The following ZBTB49 variants were observed in gnomAD, a reference collection of about 807,000 sequenced individuals.
The protein encoded by ZBTB49 is zinc finger and BTB domain-containing protein 49.
ZBTB49 carries 43 observed loss-of-function variants against 57.5 expected under a neutral mutation model. That is an observed-to-expected ratio of 0.75 (90% CI 0.59 to 0.97). The LOEUF is 0.97. Among genes scored for constraint, ZBTB49 ranks in the 50% least tolerant of loss-of-function variants. ZBTB49 has a pLI of 0.00. For missense variants in ZBTB49, 938 were observed against 947.7 expected (o/e 0.99, Z 0.13); for synonymous variants, 369 against 362.1 (o/e 1.02, Z -0.22).
At chr4:4,295,481 A>G (rs1720151289) in intron 1 of ZBTB49, among the ~76,000 whole-genome samples, 1 of 152,230 alleles carries the variant, frequency 6.6e-6, no homozygotes, top group Non-Finnish European at 1.5e-5. Context: ...AAGCCATATC[A>G]GATATGATAT....
chr4:4,303,760 C>CTCTCTG (rs1223289249), intron 3 of ZBTB49, among the ~76,000 whole-genome samples: 8 of 121,324 alleles, frequency 6.6e-5, no homozygotes, highest in African/African-American at 2.7e-4. Context: ...CTCTCTCTCT[C>CTCTCTG]TGTGTGTGTG....
chr4:4,299,806 TGTGTGAGA>T (rs2108874312), intron 1 of ZBTB49, 113 bp from the exon 2 acceptor site: 2 of 736,620 alleles, frequency 2.7e-6, no homozygotes, highest in East Asian at 5.8e-5. Context: ...TGTGTGTGTG[TGTGTGAGA>T]GAGAAACTGT....
chr4:4,308,173 G>T (rs1221409764), intron 4 of ZBTB49, among the ~76,000 whole-genome samples: 1 of 152,156 alleles, frequency 6.6e-6, no homozygotes, highest in Non-Finnish European at 1.5e-5. Flanking sequence ...TGCCTCCCAG[G>T]TTCAAACGAT....
intron 3 of ZBTB49, among the ~76,000 whole-genome samples, chr4:4,303,556 A>C (rs1415701172): frequency 6.6e-6 from 1 of 152,164 alleles, no homozygotes; most frequent in Non-Finnish European, 1.5e-5. Context: ...TGAGTGTCTA[A>C]TTTTTAAAAT....
At position 4,302,311 on chromosome 4, in the gene ZBTB49, G is replaced by T; in HGVS notation, c.475G>T (p.Glu159Ter). The T allele has an allele frequency of 6.2e-7, 1 of 1,614,132 alleles. No individual in the cohort carries two copies. Among genetic ancestry groups the T allele is most frequent in the Non-Finnish European group, 8.5e-7 (1 of 1,180,014 alleles). ...AAACTACCCCCCTCATTTACTGCAG[G>T]AATGTTCAGCAGATGCACAGCAGAA... ...SENYPPHLLQ[E>*]CSADAQQNKT... The change falls in exon 3 of 8, where the codon GAA becomes TAA. Residue 159 changes from glutamate to a stop codon, truncating the protein, a stop_gained. Coordinates refer to ENST00000337872, the MANE Select transcript of ZBTB49 (RefSeq NM_145291.4). LOFTEE classifies it high-confidence loss of function.
intron 3 of ZBTB49, among the ~76,000 whole-genome samples, chr4:4,304,152 A>G (rs1218899278): frequency 1.3e-5 from 2 of 152,080 alleles, no homozygotes; most frequent in Non-Finnish European, 2.9e-5. Context: ...AATATCACAG[A>G]CTTAGTTTTG....
rs908311264 is a variant in ZBTB49 at position 4,295,803 on chromosome 4, G to C, written c.-19-4124G>C. On this transcript the variant is annotated intron_variant, in intron 1 of 7. Transcript: ENST00000337872. ...CCAATACCCCAAACCCTACACGTTAGAAACAAAGCTTTCCATAAAGAGATG... is the reference window on the plus strand; with the variant it reads ...CCAATACCCCAAACCCTACACGTTACAAACAAAGCTTTCCATAAAGAGATG... Among the ~76,000 whole-genome samples, 6 of 152,262 alleles carry C rather than the reference G, an allele frequency of 3.9e-5. No homozygotes were observed. The East Asian group carries it at 1.2e-3, about 29-fold the overall frequency.
intron 1 of ZBTB49, among the ~76,000 whole-genome samples, chr4:4,299,173 A>G (rs1176567072): frequency 6.6e-6 from 1 of 151,950 alleles, no homozygotes; most frequent in Non-Finnish European, 1.5e-5. Flanking sequence ...ACTCAGCCAC[A>G]CCTGAGCCCA....
At chr4:4,293,291 C>G (rs943131322) in intron 1 of ZBTB49, among the ~76,000 whole-genome samples, 8 of 152,214 alleles carry the variant, frequency 5.3e-5, no homozygotes, top group Non-Finnish European at 1.0e-4. Flanking sequence ...TCTGCTCCTT[C>G]TCTCACGCTA....
intron 5 of ZBTB49, among the ~76,000 whole-genome samples, chr4:4,315,234 G>C (rs2920201): frequency 1 from 152,267 of 152,318 alleles, 76,108 homozygotes; most frequent in Non-Finnish European, 1. Flanking sequence ...GCTAGGGTCT[G>C]TCCCGTGAGA....
Position 4,302,382 on chromosome 4 carries a change from T to G in ZBTB49, c.546T>G (p.Asn182Lys). 6.2e-7 allele frequency: 1 copy of G among 1,614,244 alleles called. No individual in the cohort carries two copies. Among genetic ancestry groups the G allele is most frequent in the Non-Finnish European group, 8.5e-7 (1 of 1,180,038 alleles). The part of the protein sequence containing the change: ...ESHPHASPSV[N>K]RHHSAGEISK... ...ATCCGCATGCTTCACCATCAGTTAATCGTCATCACTCCGCAGGTGAAATCT... is the reference window on the plus strand; with the variant it reads ...ATCCGCATGCTTCACCATCAGTTAAGCGTCATCACTCCGCAGGTGAAATCT... Residue 182 changes from asparagine to lysine, a missense_variant, in exon 3 of 8, where the codon AAT (asparagine) becomes AAG (lysine). Around this residue, in one of 3 missense-constraint regions of ZBTB49, gnomAD observed 835 missense variants for 819.1 expected, o/e 1.02. Coordinates refer to ENST00000337872, the MANE Select transcript of ZBTB49 (RefSeq NM_145291.4).
chr4:4,301,620 G>A (rs190798608), intron 2 of ZBTB49, among the ~76,000 whole-genome samples: 3 of 151,942 alleles, frequency 2.0e-5, no homozygotes, highest in African/African-American at 4.8e-5. Context: ...ATTACCTTTC[G>A]AAAAAATATT....
intron 4 of ZBTB49, 30 bp downstream of exon 4, chr4:4,306,214 T>G: frequency 6.3e-7 from 1 of 1,582,518 alleles, no homozygotes; most frequent in Non-Finnish European, 8.7e-7. Context: ...TTGTTAATAA[T>G]TGGAAACCTG....
In ZBTB49 at chr4:4,315,975, GT is replaced by G. The variant is rs1721180340; in HGVS notation, c.1621+8del. On this transcript the variant is annotated splice_donor_region_variant and intron_variant, in intron 7 of 7. Coordinates refer to ENST00000337872, the MANE Select transcript of ZBTB49 (RefSeq NM_145291.4). ...CTTACAGCTGCTCTGCCTGCGGTGA[GT>G]TTGGGTTTCTGGCTGTCCCCTAGTC... The G allele has an allele frequency of 6.2e-7, 1 of 1,613,460 alleles. No homozygotes were observed. The highest frequency in any genetic ancestry group is 1.7e-5 in the Admixed American group (1 of 59,990).
At chr4:4,303,726 T>TTCTCTCTCTCTCTCTCTC (rs148456390) in intron 3 of ZBTB49, among the ~76,000 whole-genome samples, 10 of 121,742 alleles carry the variant, frequency 8.2e-5, no homozygotes, top group African/African-American at 2.3e-4. Flanking sequence ...TTTTAAGGTA[T>TTCTCTCTCTCTCTCTCTC]TCTCTCTCTC....
chr4:4,321,105 A>T lies in ZBTB49; in HGVS notation c.2087A>T (p.Asp696Val). 6.2e-7 allele frequency: 1 copy of T among 1,614,110 alleles called. No homozygotes were observed. The change falls in exon 8 of 8, where the codon GAC (aspartate) becomes GTC (valine). Residue 696 changes from aspartate (D) to valine (V), a missense_variant. Coordinates refer to ENST00000337872, the MANE Select transcript of ZBTB49 (RefSeq NM_145291.4). ...CAGGCCTATGCTTACTCGGATGTGG[A>T]CACCCCAGCCGGTGGCGAACCACTG... ...QPQAYAYSDV[D>V]TPAGGEPLQA...
chr4:4,307,040 T>G (rs1720764980), intron 4 of ZBTB49, among the ~76,000 whole-genome samples: 1 of 152,244 alleles, frequency 6.6e-6, no homozygotes, highest in South Asian at 2.1e-4. Context: ...CTCTTCCAGT[T>G]TCTCTTCATC....
chr4:4,291,572 G>T (rs1719915605), intron 1 of ZBTB49, among the ~76,000 whole-genome samples: 2 of 152,190 alleles, frequency 1.3e-5, no homozygotes, highest in Non-Finnish European at 2.9e-5. Flanking sequence ...TGACAGAATG[G>T]CCAGGAGGCT....
Position 4,303,760 on chromosome 4 carries a change from C to CTCTCTCTCTCTGTGTGTGTGTGTG in ZBTB49, c.1255+670_1255+671insCTCTCTCTCTGTGTGTGTGTGTGT, listed in dbSNP as rs1223289249. Among the ~76,000 whole-genome samples, 354 of 121,354 alleles carry CTCTCTCTCTCTGTGTGTGTGTGTG rather than the reference C, an allele frequency of 2.9e-3. 6 individuals carry two copies. The highest frequency in any genetic ancestry group is 0.011 in the African/African-American group (325 of 30,072). 79.6% of individuals were successfully genotyped at this position (121,354 alleles called of 152,430 possible). On this transcript the variant is annotated intron_variant, in intron 3 of 7. Transcript: ENST00000337872. ...TCTCTCTCTCTCTCTCTCTCTCTCT[C>CTCTCTCTCTCTGTGTGTGTGTGTG]TGTGTGTGTGTCTCTCTCTCTCTCT...
Sources: allele counts gnomAD v4.1 joint callset (sites outside exome capture counted in the v4.1 genomes callset), GRCh38; gene constraint gnomAD v4.1.1; regional missense constraint gnomAD v4.1.1; transcripts MANE v1.5; gene names NCBI Gene and HGNC (gene_info 2026-07-23, HGNC 2026-07-21).